SLC23A1: variants seen among roughly 807,000 people sequenced by gnomAD.
SLC23A1 encodes solute carrier family 23 member 1.
In SLC23A1, 31 loss-of-function variants were observed where a neutral mutation model predicts 62.5. The observed-to-expected ratio is 0.50, with a 90% CI of 0.37 to 0.67. The LOEUF (loss-of-function observed/expected upper bound fraction) is 0.67. Ranked by LOEUF, SLC23A1 falls within the 30% of genes least tolerant of loss-of-function variation. SLC23A1 has a pLI of 0.00. For missense variants in SLC23A1, 640 were observed against 782.7 expected (o/e 0.82, Z 2.18); for synonymous variants, 271 against 313.2 (o/e 0.87, Z 1.42).
In SLC23A1 at chr5:139,378,380, C is replaced by T. The variant is rs754713230; in HGVS notation, c.1180-29G>A. ...CCGGGGAGCCAGCGGGGAAGCTAGA[C>T]CTGGGGACGAGGCTGGGGCGGGGTT... On this transcript the variant is annotated intron_variant, in intron 10 of 14. Coordinates refer to ENST00000348729, the MANE Select transcript of SLC23A1 (RefSeq NM_005847.5). This position sits in a 1 kb window ranked among gnomAD's most constrained non-coding sequence, Gnocchi z 4.5. 3 of 1,549,614 alleles carry T rather than the reference C, an allele frequency of 1.9e-6. No individual in the cohort carries two copies. Among genetic ancestry groups the T allele is most frequent in the African/African-American group, 2.7e-5 (2 of 73,140 alleles).
At chr5:139,382,126 A>G in intron 2 of SLC23A1, 77 bp from the exon 3 acceptor site, 4 of 1,432,438 alleles carry the variant, frequency 2.8e-6, no homozygotes, top group African/African-American at 1.4e-5. Flanking sequence ...TAGTGTCCTC[A>G]TGCCTGCCTC....
Position 139,378,458 on chromosome 5 carries a change from T to C in SLC23A1, c.1180-107A>G. 4.8e-6 allele frequency: 7 copies of C among 1,465,846 alleles called. No homozygotes were observed. Among genetic ancestry groups the C allele is most frequent in the Non-Finnish European group, 6.5e-6 (7 of 1,078,294 alleles). The allele number at this position is 1,465,846 out of a possible 1,614,324, so 90.8% of individuals were successfully genotyped here. A position where few individuals can be genotyped will look rare whatever the true frequency, so the allele number is the denominator to read the frequency against. On this transcript the variant is annotated intron_variant, in intron 10 of 14. Transcript: ENST00000348729. This position sits in a 1 kb window ranked among gnomAD's most constrained non-coding sequence, Gnocchi z 4.5. ...AGCGAGGCATAAACCGGCTGGGGCT[T>C]GATGCGGGGGCGAGGCCTCTCAAAG... is the stretch of plus-strand genomic sequence containing the variant.
chr5:139,369,046 A>G (rs1757483535), intron 14 of SLC23A1: 1 of 368,674 alleles, frequency 2.7e-6, no homozygotes, highest in Non-Finnish European at 4.9e-6. Flanking sequence ...AGCACCAGTC[A>G]AGTTGTGAAC....
At chr5:139,384,959 A>C (rs1758454642), upstream of SLC23A1, among the ~76,000 whole-genome samples, 1 of 152,108 alleles carries the variant, frequency 6.6e-6, no homozygotes. Flanking sequence ...GAGGGGGCTG[A>C]GTGCAGCTCC....
At chr5:139,377,535 C>T (rs780724585) in intron 12 of SLC23A1, 38 bp from the exon 13 acceptor site, 11 of 1,103,040 alleles carry the variant, frequency 1.0e-5, no homozygotes, top group South Asian at 2.5e-5. Flanking sequence ...TGTCATGGCC[C>T]AATCTGGAGA....
upstream of SLC23A1, among the ~76,000 whole-genome samples, chr5:139,385,486 G>A (rs900132022): frequency 2.0e-5 from 3 of 151,820 alleles, no homozygotes; most frequent in Admixed American, 6.6e-5. Context: ...CCAGTGAGAC[G>A]TGTGTTCTCG....
intron 13 of SLC23A1, among the ~76,000 whole-genome samples, chr5:139,372,588 T>A (rs1176031299): frequency 2.0e-5 from 3 of 152,116 alleles, no homozygotes; most frequent in Non-Finnish European, 4.4e-5. Context: ...TATTTTATTT[T>A]ATTTATTTAT....
In SLC23A1 at chr5:139,380,255, GAAGACAGA is replaced by G. The variant is rs1194915585; in HGVS notation, c.592_599del (p.Ser198ProfsTer95). ...AGCCAGCTCGGTCGCCAGCAGCTTG[GAAGACAGA>G]AAGGCCAATGAGGGAGACAGTGGGG... On this transcript the variant is annotated frameshift_variant, in exon 6 of 15. Coordinates refer to ENST00000348729, the MANE Select transcript of SLC23A1 (RefSeq NM_005847.5). LOFTEE classifies it high-confidence loss of function. The G allele has an allele frequency of 1.3e-6, 2 of 1,574,944 alleles. No individual in the cohort carries two copies. The highest frequency in any genetic ancestry group is 1.7e-6 in the Non-Finnish European group (2 of 1,160,186).
intron 14 of SLC23A1, among the ~76,000 whole-genome samples, chr5:139,367,985 C>T (rs1326388617): frequency 6.6e-6 from 1 of 151,920 alleles, no homozygotes; most frequent in Non-Finnish European, 1.5e-5. Context: ...AGGCAGATCA[C>T]GAGGTCAGAT....
chr5:139,383,395 G>C, upstream of SLC23A1: 1 of 1,468,620 alleles, frequency 6.8e-7, no homozygotes. Context: ...TTGCGAAAGG[G>C]GGGCCCGGGC....
At position 139,378,191 on chromosome 5, in the gene SLC23A1, C is replaced by G; in HGVS notation, c.1309+31G>C. 6.2e-7 allele frequency: 1 copy of G among 1,612,948 alleles called. No individual in the cohort carries two copies. Among genetic ancestry groups the G allele is most frequent in the East Asian group, 2.2e-5 (1 of 44,870 alleles). On this transcript the variant is annotated intron_variant, in intron 11 of 14. Coordinates refer to ENST00000348729, the MANE Select transcript of SLC23A1 (RefSeq NM_005847.5). This position sits in a 1 kb window ranked among gnomAD's most constrained non-coding sequence, Gnocchi z 4.5. ...GGTGAGTCCCACTCGGCGACCCGCA[C>G]CGCGACCCGTGGCCCGCGCCAGACA... is the stretch of plus-strand genomic sequence containing the variant.
chr5:139,377,337 G>A (rs1348839094), intron 13 of SLC23A1, 65 bp downstream of exon 13: 2 of 873,704 alleles, frequency 2.3e-6, no homozygotes, highest in Non-Finnish European at 3.9e-6. Context: ...CCAGCTCAGA[G>A]GCCATCTGTT....
chr5:139,379,714 T>C lies in SLC23A1; in HGVS notation c.889A>G (p.Met297Val). The change falls in exon 8 of 15, where the codon ATG becomes GTG. Residue 297 changes from methionine (M) to valine (V), a missense_variant. By Grantham distance (21) the Met-to-Val change is conservative (BLOSUM62 1). Transcript: ENST00000348729. This position sits in a 1 kb window ranked among gnomAD's most constrained non-coding sequence, Gnocchi z 4.7. ...ATGCGGATCCAGGGTGCAATAGCCA[T>C]GATGTCACCACGGGCATCGGTTCGT... is the stretch of plus-strand genomic sequence containing the variant. ...QARTDARGDI[M>V]AIAPWIRIPY... 2 of 1,613,908 alleles carry C rather than the reference T, an allele frequency of 1.2e-6. No homozygotes were observed. The highest frequency in any genetic ancestry group is 1.7e-6 in the Non-Finnish European group (2 of 1,179,956).
rs1422293357 is a variant in SLC23A1, at chr5:139,371,913, G to A, written c.*19+74C>T. The A allele has an allele frequency of 2.7e-6, 3 of 1,113,108 alleles. No individual in the cohort carries two copies. In the East Asian group the frequency reaches 7.1e-5, roughly 26 times the overall value. The allele number at this position is 1,113,108 out of a possible 1,614,324, so 69.0% of individuals were successfully genotyped here. ...TACAAGAAAGAGAACTGAGTAGTTT[G>A]GTTTTTCTTTGGTTAAAGCATAAGA... On this transcript the variant is annotated intron_variant, in intron 14 of 14. Coordinates refer to ENST00000348729, the MANE Select transcript of SLC23A1 (RefSeq NM_005847.5).
intron 14 of SLC23A1, 23 bp from the exon 15 acceptor site, chr5:139,367,654 A>G (rs1485243404): frequency 6.6e-6 from 1 of 152,136 alleles, no homozygotes; most frequent in African/African-American, 2.4e-5. Context: ...GAAGATGGCA[A>G]TTGTAGAAAA....
chr5:139,379,911 A>G lies in SLC23A1; in HGVS notation c.768+45T>C. The G allele has an allele frequency of 6.2e-7, 1 of 1,614,060 alleles. No individual in the cohort carries two copies. The highest frequency in any genetic ancestry group is 8.5e-7 in the Non-Finnish European group (1 of 1,179,936). On this transcript the variant is annotated intron_variant, in intron 7 of 14. Coordinates refer to ENST00000348729, the MANE Select transcript of SLC23A1 (RefSeq NM_005847.5). This position sits in a 1 kb window ranked among gnomAD's most constrained non-coding sequence, Gnocchi z 4.7. The stretch of plus-strand genomic sequence containing the variant: ...GCTAACCTGCTCCCACCTCAGCCCA[A>G]GCCCTGGCCATAGTCCCAGCCCCAG...
intron 13 of SLC23A1, among the ~76,000 whole-genome samples, chr5:139,375,961 C>A (rs903220927): frequency 6.6e-6 from 1 of 151,990 alleles, no homozygotes; most frequent in Non-Finnish European, 1.5e-5. Flanking sequence ...AAGTAAGACC[C>A]CGTCTCTACA....
intron 14 of SLC23A1, chr5:139,368,880 C>G (rs1391700852): frequency 1.1e-5 from 11 of 1,043,556 alleles, no homozygotes; most frequent in Non-Finnish European, 1.6e-5. Context: ...TGTAAAAGCT[C>G]TCTTGTCACT....
chr5:139,377,967 G>C lies in SLC23A1; in HGVS notation c.1453+8C>G. Reference sequence around the variant, plus strand: ...CCGCCTTTGGAGACAGTAAACAGCTGGAGGCACCTGTATTGATGGCGCCAG... The same window carrying C: ...CCGCCTTTGGAGACAGTAAACAGCTCGAGGCACCTGTATTGATGGCGCCAG... On this transcript the variant is annotated splice_region_variant and intron_variant, in intron 12 of 14. Transcript: ENST00000348729. The C allele has an allele frequency of 6.2e-7, 1 of 1,612,992 alleles. No homozygotes were observed. Among genetic ancestry groups the C allele is most frequent in the Non-Finnish European group, 8.5e-7 (1 of 1,179,536 alleles).
Sources: gnomAD v4.1 joint callset for allele counts (sites outside exome capture counted in the v4.1 genomes callset) on GRCh38, gnomAD v4.1.1 for gene constraint, Gnocchi (gnomAD v3.1) non-coding constraint, MANE v1.5 for transcripts, NCBI Gene and HGNC (gene_info 2026-07-23, HGNC 2026-07-21) for gene names.